PFKL: variants seen among roughly 807,000 people sequenced by gnomAD.
PFKL encodes phosphofructokinase, liver type, also known as ATP-dependent 6-phosphofructokinase, liver type.
A neutral mutation model predicts 92.1 loss-of-function variants in PFKL; 74 were observed. That is an observed-to-expected ratio of 0.80 (90% CI 0.67 to 0.97). The LOEUF is 0.97. PFKL is among the 50% of genes least tolerant of loss of function. The probability of loss-of-function intolerance (pLI) is 0.00; values close to 1 mark genes in which losing one functional copy is unlikely to be tolerated. For synonymous variants in PFKL, 494 were observed against 456.4 expected (o/e 1.08, Z -1.05); for missense variants, 1,028 against 1,116.6 (o/e 0.92, Z 1.13).
Position 44,325,257 on chromosome 21 carries a change from T to C in PFKL, c.1982T>C (p.Leu661Pro). Residue 661 changes from leucine to proline, a missense_variant, in exon 19 of 22, where the codon CTG becomes CCG. Leu to Pro is a moderately conservative substitution (Grantham distance 98). Transcript: ENST00000349048. ...TGCAGGACCAATGTCCTGGGCCACC[T>C]GCAGCAGGTGTGGGGCAGGGGTGAG... ...FDCRTNVLGH[L>P]QQGGAPTPFD... is the part of the protein sequence containing the mutation. The C allele has an allele frequency of 6.2e-7, 1 of 1,600,354 alleles. No individual in the cohort carries two copies. Among genetic ancestry groups the C allele is most frequent in the Non-Finnish European group, 8.6e-7 (1 of 1,168,296 alleles).
At chr21:44,319,750 C>T (rs1308445996) in intron 11 of PFKL, 1 of 521,454 alleles carries the variant, frequency 1.9e-6, no homozygotes, top group Non-Finnish European at 3.4e-6. Flanking sequence ...TACCACCCCC[C>T]TGCAGGCGTC....
At chr21:44,311,315 C>T (rs998573483) in intron 3 of PFKL, among the ~76,000 whole-genome samples, 1 of 148,632 alleles carries the variant, frequency 6.7e-6, no homozygotes, top group African/African-American at 2.6e-5. Flanking sequence ...CAGACACGTG[C>T]ACAGACACAC....
intron 2 of PFKL, among the ~76,000 whole-genome samples, chr21:44,310,601 G>A (rs779852276): frequency 6.6e-6 from 1 of 152,180 alleles, no homozygotes; most frequent in Non-Finnish European, 1.5e-5. Context: ...AAGGAGCCAC[G>A]CACAGCAGCC....
At chr21:44,305,635 G>A (rs536426030) in intron 1 of PFKL, among the ~76,000 whole-genome samples, 10 of 152,306 alleles carry the variant, frequency 6.6e-5, no homozygotes, top group African/African-American at 2.4e-4. Context: ...GACCCTGGCC[G>A]CTGGCGTGGG....
chr21:44,302,930 G>A (rs1156346479), intron 1 of PFKL, among the ~76,000 whole-genome samples: 1 of 152,178 alleles, frequency 6.6e-6, no homozygotes. Context: ...CTGTGCAAAG[G>A]TAGCTAGAAG....
At chr21:44,305,425 C>T in intron 1 of PFKL, 1 of 1,358,952 alleles carries the variant, frequency 7.4e-7, no homozygotes, top group Non-Finnish European at 9.8e-7. Flanking sequence ...CAGGTCAGCA[C>T]CTCCAGCCTC....
intron 15 of PFKL, 67 bp from the exon 16 acceptor site, chr21:44,323,699 A>G (rs2047418607): frequency 1.3e-6 from 2 of 1,529,252 alleles, no homozygotes; most frequent in Non-Finnish European, 1.8e-6. Context: ...GGCCGCCGGC[A>G]GAGCCTGTCC....
At position 44,319,360 on chromosome 21, in the gene PFKL, G is replaced by T. The variant is rs1166014132; in HGVS notation, c.1072G>T (p.Val358Leu). 6 of 1,613,588 alleles carry T rather than the reference G, an allele frequency of 3.7e-6. No individual in the cohort carries two copies. The highest frequency in any genetic ancestry group is 1.3e-5 in the African/African-American group (1 of 74,938). The change falls in exon 11 of 22, where the codon GTG becomes TTG. Residue 358 changes from valine (V) to leucine (L), a missense_variant. Coordinates refer to ENST00000349048, the MANE Select transcript of PFKL (RefSeq NM_002626.6). ...LMECVQMTKE[V>L]QKAMDDKRFD... ...GTTTCTCTTCCTTAAGACCAAGGAA[G>T]TGCAGAAAGCCATGGATGACAAGAG...
chr21:44,300,069 C>T lies in PFKL; in HGVS notation c.-37C>T. 4.0e-6 allele frequency: 4 copies of T among 994,716 alleles called. No individual in the cohort carries two copies. Among genetic ancestry groups the T allele is most frequent in the African/African-American group, 1.8e-5 (1 of 56,848 alleles). The allele number at this position is 994,716 out of a possible 1,614,324, so 61.6% of individuals were successfully genotyped here. A position where few individuals can be genotyped will look rare whatever the true frequency, so the allele number is the denominator to read the frequency against. On this transcript the variant is annotated 5_prime_UTR_variant, in exon 1 of 22. Transcript: ENST00000349048. ...GGGGACGGCGACGCGGCGCAGGCGG[C>T]GGGAGTGCGAGCTGGGCCCGTGTTT...
At chr21:44,312,378 A>G in intron 4 of PFKL, 84 bp downstream of exon 4, 1 of 1,291,716 alleles carries the variant, frequency 7.7e-7, no homozygotes. Flanking sequence ...GGACAGAGGG[A>G]CGAGGGATCC....
intron 9 of PFKL, among the ~76,000 whole-genome samples, chr21:44,317,811 C>T (rs2047249071): frequency 6.6e-6 from 1 of 152,252 alleles, no homozygotes; most frequent in South Asian, 2.1e-4. Context: ...CCTGGAGAGA[C>T]TGCCCAGAAT....
At chr21:44,306,059 T>C (rs1041481516) in intron 1 of PFKL, 24 of 487,128 alleles carry the variant, frequency 4.9e-5, no homozygotes, top group Non-Finnish European at 6.6e-5. Context: ...TTCCAGCAGG[T>C]GCTTTCCTCA....
intron 6 of PFKL, 98 bp from the exon 7 acceptor site, chr21:44,313,815 C>A: frequency 7.5e-7 from 1 of 1,325,382 alleles, no homozygotes; most frequent in Non-Finnish European, 1.0e-6. Context: ...CCGGGAGAGA[C>A]AGAGAAGCTG....
chr21:44,326,504 G>A (rs879826915), intron 21 of PFKL, among the ~76,000 whole-genome samples: 5 of 152,198 alleles, frequency 3.3e-5, no homozygotes, highest in Non-Finnish European at 7.4e-5. Context: ...CCAGGAGTGG[G>A]CACGCTTGAG....
In PFKL at chr21:44,322,663, C is replaced by T. The variant is rs563761890; in HGVS notation, c.1410-299C>T. ...GGCCAGAGGAAGCATCCGCTCCTGC[C>T]GCTGAGTGTTGGGCGAGAAAGCCTC... On this transcript the variant is annotated intron_variant, in intron 14 of 21. Transcript: ENST00000349048. Among the ~76,000 whole-genome samples the T allele has an allele frequency of 3.5e-3, 529 of 152,324 alleles. 4 individuals carry two copies. Among genetic ancestry groups the T allele is most frequent in the African/African-American group, 0.012 (492 of 41,564 alleles).
At chr21:44,324,427 A>G (rs1208196417) in intron 16 of PFKL, 64 bp from the exon 17 acceptor site, 7 of 1,559,576 alleles carry the variant, frequency 4.5e-6, no homozygotes, top group Admixed American at 1.7e-5. Flanking sequence ...CAGGGTAGCC[A>G]TGCCGACGGC....
Position 44,316,507 on chromosome 21 carries a change from G to A in PFKL, c.919G>A (p.Ala307Thr). ...GHVQRGGTPS[A>T]FDRILSSKMG... Reference sequence around the variant, plus strand: ...CGTGCAGCGGGGAGGGACGCCCTCTGCCTTCGACCGGATCCTGGTAAGTGG... The same window carrying A: ...CGTGCAGCGGGGAGGGACGCCCTCTACCTTCGACCGGATCCTGGTAAGTGG... The change falls in exon 9 of 22, where the codon GCC (alanine) becomes ACC (threonine). Residue 307 changes from alanine (A) to threonine (T), a missense_variant. By Grantham distance (58) the Ala-to-Thr change is moderately conservative. Transcript: ENST00000349048. The A allele has an allele frequency of 6.3e-7, 1 of 1,599,830 alleles. No individual in the cohort carries two copies. The highest frequency in any genetic ancestry group is 8.5e-7 in the Non-Finnish European group (1 of 1,171,446).
intron 1 of PFKL, among the ~76,000 whole-genome samples, chr21:44,303,859 G>A (rs936868337): frequency 2.0e-5 from 3 of 152,112 alleles, no homozygotes; most frequent in East Asian, 1.9e-4. Context: ...GGTAGGCAGC[G>A]GCAGGCCCAC....
chr21:44,324,818 A>G, intron 17 of PFKL, 38 bp from the exon 18 acceptor site: 1 of 1,597,530 alleles, frequency 6.3e-7, no homozygotes, highest in Non-Finnish European at 8.5e-7. Flanking sequence ...TTCCCTCCCC[A>G]CAGTCCTCCG....
Sources: gnomAD v4.1 joint callset for allele counts (sites outside exome capture counted in the v4.1 genomes callset) on GRCh38, gnomAD v4.1.1 for gene constraint, MANE v1.5 for transcripts, NCBI Gene and HGNC (gene_info 2026-07-23, HGNC 2026-07-21) for gene names.